Variants in SPATS2L observed in about 807,000 individuals in gnomAD.
SPATS2L encodes SPATS2-like protein.
A neutral mutation model predicts 59.6 loss-of-function variants in SPATS2L; 30 were observed. That is an observed-to-expected ratio of 0.50 (90% CI 0.38 to 0.68). The LOEUF (loss-of-function observed/expected upper bound fraction) is 0.68, where lower values mean the gene tolerates loss of function less well. Ranked by LOEUF, SPATS2L falls within the 30% of genes least tolerant of loss-of-function variation. The pLI is 0.00. For missense variants in SPATS2L, 615 were observed against 700.0 expected, an observed-to-expected ratio of 0.88 and a Z score of 1.37; for synonymous variants, 252 against 263.5, an observed-to-expected ratio of 0.96 and a Z score of 0.42.
At chr2:200,307,713 C>G (rs1050161438) in intron 1 of SPATS2L, among the ~76,000 whole-genome samples, 1 of 152,228 alleles carries the variant, frequency 6.6e-6, no homozygotes, top group Non-Finnish European at 1.5e-5. Context: ...TCTTCACCTG[C>G]GCGGGGATGC....
chr2:200,341,713 A>G (rs1425708349), intron 2 of SPATS2L, among the ~76,000 whole-genome samples: 2 of 148,048 alleles, frequency 1.4e-5, no homozygotes, highest in Non-Finnish European at 3.0e-5. Flanking sequence ...TTTTTTAGAC[A>G]GAGTTTTGCT....
intron 4 of SPATS2L, among the ~76,000 whole-genome samples, chr2:200,412,844 G>C (rs545592481): frequency 6.6e-6 from 1 of 152,034 alleles, no homozygotes; most frequent in South Asian, 2.1e-4. Flanking sequence ...TTGAGGCCAG[G>C]AGTTCGAGAC....
chr2:200,416,101 A>G (rs1210210249), intron 4 of SPATS2L, among the ~76,000 whole-genome samples: 1 of 152,136 alleles, frequency 6.6e-6, no homozygotes, highest in Non-Finnish European at 1.5e-5. Flanking sequence ...TTCTCAAGAT[A>G]TATTTCATTT....
At chr2:200,345,884 A>T (rs1238903592) in intron 2 of SPATS2L, among the ~76,000 whole-genome samples, 1 of 152,058 alleles carries the variant, frequency 6.6e-6, no homozygotes, top group Non-Finnish European at 1.5e-5. Context: ...GTTTCAGGGG[A>T]GCTTCAGCCG....
At chr2:200,446,260 A>G (rs1443966844) in intron 8 of SPATS2L, among the ~76,000 whole-genome samples, 1 of 152,180 alleles carries the variant, frequency 6.6e-6, no homozygotes, top group Non-Finnish European at 1.5e-5. Flanking sequence ...GCTTAAGCCC[A>G]GGAATTCAAG....
intron 2 of SPATS2L, among the ~76,000 whole-genome samples, chr2:200,337,442 G>T (rs2080178840): frequency 6.6e-6 from 1 of 152,146 alleles, no homozygotes; most frequent in Non-Finnish European, 1.5e-5. Flanking sequence ...CTAACCCCGA[G>T]ATTTCTTGGC....
chr2:200,417,421 C>A (rs1473196229), intron 5 of SPATS2L, among the ~76,000 whole-genome samples: 1 of 151,998 alleles, frequency 6.6e-6, no homozygotes, highest in Non-Finnish European at 1.5e-5. Context: ...GCTTCCCAGG[C>A]CTCTGTGTGA....
chr2:200,354,898 A>G (rs949272213), intron 2 of SPATS2L, among the ~76,000 whole-genome samples: 1 of 152,202 alleles, frequency 6.6e-6, no homozygotes, highest in Non-Finnish European at 1.5e-5. Context: ...AGATTTTAAC[A>G]ACAAAGGCAG....
intron 2 of SPATS2L, among the ~76,000 whole-genome samples, chr2:200,352,656 A>C (rs1262635925): frequency 6.6e-6 from 1 of 151,278 alleles, no homozygotes; most frequent in Non-Finnish European, 1.5e-5. Flanking sequence ...TTCCCTTTTG[A>C]TTATAGGAAA....
At chr2:200,306,602 G>A (rs567449747), upstream of SPATS2L, 3 of 997,426 alleles carry the variant, frequency 3.0e-6, no homozygotes, top group African/African-American at 3.5e-5. Flanking sequence ...TGTGCTCCTG[G>A]TGAGTGACAC....
At position 200,441,684 on chromosome 2, in the gene SPATS2L, A is replaced by G. The variant is rs190096711; in HGVS notation, c.788+900A>G. On this transcript the variant is annotated intron_variant, in intron 8 of 12. Transcript: ENST00000409140. ...TTGTGGTAGCAAAGATGACCCCCTC[A>G]CAGCTGCCAGATTACATAATCCTTA... is the stretch of plus-strand genomic sequence containing the variant. 4.4e-4 allele frequency among the ~76,000 whole-genome samples: 67 copies of G among 152,170 alleles called. 1 individual carries two copies. The highest frequency in any genetic ancestry group is 7.4e-5 in the Non-Finnish European group (5 of 68,002).
intron 2 of SPATS2L, among the ~76,000 whole-genome samples, chr2:200,355,191 G>A (rs2080872679): frequency 6.6e-6 from 1 of 152,154 alleles, no homozygotes; most frequent in Non-Finnish European, 1.5e-5. Flanking sequence ...CTGCTGTGGA[G>A]ACCGCCTGTG....
intron 1 of SPATS2L, among the ~76,000 whole-genome samples, chr2:200,310,460 C>G (rs1395707656): frequency 6.6e-6 from 1 of 152,222 alleles, no homozygotes; most frequent in African/African-American, 2.4e-5. Context: ...ATCACCGTTT[C>G]TAGGATAATT....
At chr2:200,476,128 T>C (rs1250900641) in intron 12 of SPATS2L, among the ~76,000 whole-genome samples, 1 of 152,236 alleles carries the variant, frequency 6.6e-6, no homozygotes, top group African/African-American at 2.4e-5. Flanking sequence ...AATCTTTCCC[T>C]TGTAAAGGAG....
At chr2:200,349,182 C>T (rs1018761785) in intron 2 of SPATS2L, among the ~76,000 whole-genome samples, 3 of 152,210 alleles carry the variant, frequency 2.0e-5, no homozygotes, top group African/African-American at 2.4e-5. Context: ...GTTGGCATCA[C>T]GTTAGAGACC....
At chr2:200,376,684 T>G (rs1168688434) in intron 2 of SPATS2L, among the ~76,000 whole-genome samples, 1 of 152,158 alleles carries the variant, frequency 6.6e-6, no homozygotes, top group African/African-American at 2.4e-5. Context: ...TATGCAGAAG[T>G]GGTATTGTAG....
At chr2:200,324,348 T>C (rs2079661706) in intron 1 of SPATS2L, among the ~76,000 whole-genome samples, 1 of 152,172 alleles carries the variant, frequency 6.6e-6, no homozygotes, top group East Asian at 1.9e-4. Flanking sequence ...TGCTTTGCAG[T>C]AGAGAGCCCA....
At chr2:200,319,606 G>T (rs1432310783) in intron 1 of SPATS2L, among the ~76,000 whole-genome samples, 1 of 141,270 alleles carries the variant, frequency 7.1e-6, no homozygotes, top group Non-Finnish European at 1.5e-5. Flanking sequence ...GAATGCAACA[G>T]CCTACTCCTG....
At position 200,392,531 on chromosome 2, in the gene SPATS2L, C is replaced by T. The variant is rs572875584; in HGVS notation, c.39+3248C>T. Among the ~76,000 whole-genome samples the T allele has an allele frequency of 1.2e-4, 19 of 152,152 alleles. 1 individual carries two copies. The South Asian group carries it at 1.7e-3, about 13-fold the overall frequency. On this transcript the variant is annotated intron_variant, in intron 3 of 12. Coordinates refer to ENST00000409140, the MANE Select transcript of SPATS2L (RefSeq NM_001100423.2). ...TGAGCCACTCTAGCAAATTATAGAC[C>T]GTCCCTTATTTATGGTGGTTTGATT...
Sources: gnomAD v4.1 joint callset for allele counts (sites outside exome capture counted in the v4.1 genomes callset) on GRCh38, gnomAD v4.1.1 for gene constraint, MANE v1.5 for transcripts, NCBI Gene and HGNC (gene_info 2026-07-23, HGNC 2026-07-21) for gene names.